The following CA10 variants were observed in gnomAD, a reference collection of about 807,000 sequenced individuals.
The protein encoded by CA10 is carbonic anhydrase 10 (inactive), also known as carbonic anhydrase-related protein 10.
A neutral mutation model predicts 44.2 loss-of-function variants in CA10; 14 were observed. That is an observed-to-expected ratio of 0.32 (90% CI 0.21 to 0.50). The LOEUF is 0.50. CA10 is among the 20% of genes least tolerant of loss of function. The pLI is 0.99. For synonymous variants in CA10, 159 were observed against 141.6 expected, an observed-to-expected ratio of 1.12 and a Z score of -0.87; for missense variants, 350 against 409.7, an observed-to-expected ratio of 0.85 and a Z score of 1.26.
intron 3 of CA10, among the ~76,000 whole-genome samples, chr17:51,839,165 C>A (rs1345316123): frequency 6.6e-6 from 1 of 152,140 alleles, no homozygotes; most frequent in East Asian, 1.9e-4. Flanking sequence ...ATATCCAGTG[C>A]TTCCCTACCA....
intron 2 of CA10, among the ~76,000 whole-genome samples, chr17:52,015,402 CA>C (rs1374137729): frequency 1.3e-5 from 2 of 152,058 alleles, no homozygotes; most frequent in African/African-American, 4.8e-5. Flanking sequence ...AGTATATTTT[CA>C]ATGACTGATA....
At chr17:52,078,097 C>T (rs1434957110) in intron 1 of CA10, among the ~76,000 whole-genome samples, 1 of 152,200 alleles carries the variant, frequency 6.6e-6, no homozygotes, top group East Asian at 1.9e-4. Context: ...GTGAGTAGAT[C>T]CCTATCATTA....
At chr17:51,677,702 CTT>C (rs1436332404) in intron 4 of CA10, among the ~76,000 whole-genome samples, 1 of 151,998 alleles carries the variant, frequency 6.6e-6, no homozygotes, top group Non-Finnish European at 1.5e-5. Context: ...TTCCTAAAGA[CTT>C]TTTGAACTAC....
intron 2 of CA10, among the ~76,000 whole-genome samples, chr17:51,979,694 A>G (rs1984585731): frequency 6.6e-6 from 1 of 152,146 alleles, no homozygotes; most frequent in East Asian, 1.9e-4. Context: ...TCAATAATAT[A>G]TTCTACTTAA....
intron 2 of CA10, among the ~76,000 whole-genome samples, chr17:52,016,718 GC>G (rs1313089030): frequency 1.3e-5 from 2 of 152,074 alleles, no homozygotes; most frequent in Non-Finnish European, 2.9e-5. Flanking sequence ...TTCAAGACTA[GC>G]CTGGCTAACA....
intron 4 of CA10, among the ~76,000 whole-genome samples, chr17:51,660,403 A>G (rs1288040469): frequency 6.6e-6 from 1 of 152,238 alleles, no homozygotes; most frequent in Admixed American, 6.5e-5. Flanking sequence ...AAGCTAACAG[A>G]CAAGTACTCC....
chr17:51,827,593 C>T (rs888079421), intron 3 of CA10, among the ~76,000 whole-genome samples: 1 of 152,162 alleles, frequency 6.6e-6, no homozygotes, highest in African/African-American at 2.4e-5. Context: ...TAACAGCATA[C>T]ACAGTGTCTA....
rs551495119 is a variant in CA10, at chr17:52,134,941, C to T, written c.61+22785G>A. 6.9e-5 allele frequency: 36 copies of T among 519,090 alleles called. No homozygotes were observed. The East Asian group carries it at 1.9e-3, about 27-fold the overall frequency. 32.2% of individuals were successfully genotyped at this position (519,090 alleles called of 1,614,324 possible). On this transcript the variant is annotated intron_variant, in intron 1 of 8. Coordinates refer to ENST00000451037, the MANE Select transcript of CA10 (RefSeq NM_020178.5). ...CTCTGTGAATCCACATCCTGAACGGCTCCTGATGCTGGCCATTGCTCTCCA... is the reference window on the plus strand; with the variant it reads ...CTCTGTGAATCCACATCCTGAACGGTTCCTGATGCTGGCCATTGCTCTCCA...
chr17:51,992,187 A>C (rs577283394), intron 2 of CA10, among the ~76,000 whole-genome samples: 2 of 152,198 alleles, frequency 1.3e-5, no homozygotes, highest in Admixed American at 1.3e-4. Flanking sequence ...TGTTGTGTCC[A>C]TAAGTTTCAT....
At chr17:51,724,056 G>C (rs1266973263) in intron 4 of CA10, among the ~76,000 whole-genome samples, 1 of 152,088 alleles carries the variant, frequency 6.6e-6, no homozygotes, top group African/African-American at 2.4e-5. Flanking sequence ...AGGGGGGACT[G>C]GAAGTTTGGA....
At position 51,717,769 on chromosome 17, in the gene CA10, ATACATATATG is replaced by A. The variant is rs1916191509; in HGVS notation, c.465+29854_465+29863del. Among the ~76,000 whole-genome samples, 3 of 86,002 alleles carry A rather than the reference ATACATATATG, an allele frequency of 3.5e-5. 1 individual carries two copies. Among genetic ancestry groups the A allele is most frequent in the African/African-American group, 1.2e-4 (3 of 24,928 alleles). 56.4% of individuals were successfully genotyped at this position (86,002 alleles called of 152,430 possible). A position where few individuals can be genotyped will look rare whatever the true frequency, so the allele number is the denominator to read the frequency against. Reference sequence around the variant, plus strand: ...TACATGTATATATACGTATATATGTATACATATATGCATGTATATATGTATATGTGTATAT... The same window carrying A: ...TACATGTATATATACGTATATATGTACATGTATATATGTATATGTGTATAT... On this transcript the variant is annotated intron_variant, in intron 4 of 8. Transcript: ENST00000451037.
intron 4 of CA10, among the ~76,000 whole-genome samples, chr17:51,679,854 A>G (rs917280237): frequency 2.6e-5 from 4 of 152,212 alleles, no homozygotes; most frequent in African/African-American, 9.7e-5. Context: ...GGATGGTTAT[A>G]CATTTTTAAA....
At chr17:52,054,771 GAT>G (rs1356008438) in intron 2 of CA10, among the ~76,000 whole-genome samples, 1 of 151,852 alleles carries the variant, frequency 6.6e-6, no homozygotes, top group Non-Finnish European at 1.5e-5. Context: ...AATTTCCCCC[GAT>G]AGATATGGAA....
intron 3 of CA10, among the ~76,000 whole-genome samples, chr17:51,925,580 C>A (rs1056528493): frequency 3.9e-5 from 6 of 152,118 alleles, no homozygotes; most frequent in Non-Finnish European, 8.8e-5. Flanking sequence ...TAATTCCACT[C>A]CTTGCCATAC....
chr17:51,653,735 A>G lies in CA10; in HGVS notation c.467T>C (p.Val156Ala), dbSNP rs1913667464. 11 of 1,591,580 alleles carry G rather than the reference A, an allele frequency of 6.9e-6. No individual in the cohort carries two copies. Among genetic ancestry groups the G allele is most frequent in the Non-Finnish European group, 9.5e-6 (11 of 1,159,540 alleles). Residue 156 changes from valine (V) to alanine (A), a missense_variant and splice_region_variant, in exon 5 of 9, where the codon GTG (valine) becomes GCG (alanine). By Grantham distance (64) the Val-to-Ala change is moderately conservative. Transcript: ENST00000451037. ...LLNGQAFSGE[V>A]QLIHYNHELY... The stretch of plus-strand genomic sequence containing the variant: ...CTCATGGTTATAGTGGATGAGCTGC[A>G]CCTGGCAGGAGGGAAAAACAAGAAT...
chr17:51,914,853 T>G (rs1454149391), intron 3 of CA10, among the ~76,000 whole-genome samples: 1 of 152,216 alleles, frequency 6.6e-6, no homozygotes, highest in African/African-American at 2.4e-5. Flanking sequence ...GGTAAATTAT[T>G]TAACAACTGC....
At chr17:52,041,869 C>G (rs188316119) in intron 2 of CA10, among the ~76,000 whole-genome samples, 19 of 152,110 alleles carry the variant, frequency 1.2e-4, no homozygotes, top group African/African-American at 4.6e-4. Flanking sequence ...CTTGTTTCAT[C>G]TTATATAATG....
chr17:51,921,172 CA>C, intron 3 of CA10, among the ~76,000 whole-genome samples: 1 of 152,174 alleles, frequency 6.6e-6, no homozygotes, highest in Middle Eastern at 3.2e-3. Flanking sequence ...AACCACTGCT[CA>C]TACAGAATCA....
chr17:52,130,155 A>T (rs1297996242), intron 1 of CA10, among the ~76,000 whole-genome samples: 1 of 152,222 alleles, frequency 6.6e-6, no homozygotes, highest in Non-Finnish European at 1.5e-5. Flanking sequence ...GAAAGATAAC[A>T]AGTGTTGGTG....
Sources: gnomAD v4.1 joint callset for allele counts (sites outside exome capture counted in the v4.1 genomes callset) on GRCh38, gnomAD v4.1.1 for gene constraint, MANE v1.5 for transcripts, NCBI Gene and HGNC (gene_info 2026-07-23, HGNC 2026-07-21) for gene names.